Variants in NOS1AP observed in about 807,000 individuals in gnomAD.
The protein encoded by NOS1AP is carboxyl-terminal PDZ ligand of neuronal nitric oxide synthase protein.
In NOS1AP, 21 loss-of-function variants were observed where a neutral mutation model predicts 56.2. That is an observed-to-expected ratio of 0.37 (90% CI 0.26 to 0.54). NOS1AP has a LOEUF of 0.54. Ranked by LOEUF, NOS1AP falls within the 20% of genes least tolerant of loss-of-function variation. NOS1AP has a pLI of 0.84. For synonymous variants in NOS1AP, 270 were observed against 274.6 expected, an observed-to-expected ratio of 0.98 and a Z score of 0.17; for missense variants, 522 against 657.8, an observed-to-expected ratio of 0.79 and a Z score of 2.26.
At chr1:162,235,777 T>C (rs1653271756) in intron 2 of NOS1AP, among the ~76,000 whole-genome samples, 1 of 152,222 alleles carries the variant, frequency 6.6e-6, no homozygotes. Context: ...GGGCCAGTGT[T>C]CAAGGAGCAC....
chr1:162,175,968 T>A (rs1165384992), intron 2 of NOS1AP, among the ~76,000 whole-genome samples: 1 of 152,222 alleles, frequency 6.6e-6, no homozygotes, highest in Non-Finnish European at 1.5e-5. Flanking sequence ...GAAACAATTT[T>A]TCAGCTCTAG....
chr1:162,347,817 G>C (rs1479932209), intron 6 of NOS1AP, among the ~76,000 whole-genome samples: 1 of 152,110 alleles, frequency 6.6e-6, no homozygotes, highest in Non-Finnish European at 1.5e-5. Context: ...TGAACATATA[G>C]TAAGTATCAT....
chr1:162,120,697 T>A (rs1302895389), intron 1 of NOS1AP, among the ~76,000 whole-genome samples: 1 of 152,226 alleles, frequency 6.6e-6, no homozygotes, highest in Non-Finnish European at 1.5e-5. Context: ...GCCCCCCCCA[T>A]GATTCGATTA....
rs146251972 is a variant in NOS1AP at position 162,231,999 on chromosome 1, G to A, written c.178-55345G>A. On this transcript the variant is annotated intron_variant, in intron 2 of 9. Coordinates refer to ENST00000361897, the MANE Select transcript of NOS1AP (RefSeq NM_014697.3). Reference sequence around the variant, plus strand: ...CTACATTTATGTATTTTCAAAGTTGGTTTAATGAGCACACACAGTTTATCC... The same window carrying A: ...CTACATTTATGTATTTTCAAAGTTGATTTAATGAGCACACACAGTTTATCC... Among the ~76,000 whole-genome samples, 6 of 152,308 alleles carry A rather than the reference G, an allele frequency of 3.9e-5. No individual in the cohort carries two copies. In the East Asian group the frequency reaches 1.2e-3, roughly 29 times the overall value.
At chr1:162,321,731 A>ATATATATATATATATATATAT (rs1553205807) in intron 4 of NOS1AP, among the ~76,000 whole-genome samples, 1 of 128,494 alleles carries the variant, frequency 7.8e-6, no homozygotes, top group African/African-American at 2.9e-5. Flanking sequence ...AAAAAAAAAA[A>ATATATATATATATATATATAT]ATATATATAT....
chr1:162,356,053 C>G (rs1343565200), intron 7 of NOS1AP, among the ~76,000 whole-genome samples: 1 of 152,226 alleles, frequency 6.6e-6, no homozygotes, highest in Non-Finnish European at 1.5e-5. Flanking sequence ...CAGGGCACCT[C>G]TCTCTCTTTA....
chr1:162,367,441 G>T lies in NOS1AP; in HGVS notation c.1495G>T (p.Gly499Cys). The T allele has an allele frequency of 6.4e-7, 1 of 1,573,070 alleles. No homozygotes were observed. Among genetic ancestry groups the T allele is most frequent in the African/African-American group, 1.3e-5 (1 of 74,302 alleles). ...NVLQRQELGD[G>C]LDDEIAV The stretch of plus-strand genomic sequence containing the variant: ...CCTGCAGAGGCAGGAACTGGGCGAC[G>T]GCCTGGATGATGAGATCGCCGTGTA... Residue 499 changes from glycine to cysteine, a missense_variant, in exon 10 of 10, where the codon GGC becomes TGC. Physicochemically the swap from Gly to Cys is radical, Grantham distance 159 (BLOSUM62 -3). This residue lies in a region of NOS1AP where 160 missense variants were observed against 180.3 expected (regional missense o/e 0.89). Transcript: ENST00000361897. This position sits in a 1 kb window ranked among gnomAD's most constrained non-coding sequence, Gnocchi z 6.5.
At chr1:162,158,328 C>T (rs2102103351) in intron 2 of NOS1AP, among the ~76,000 whole-genome samples, 1 of 152,304 alleles carries the variant, frequency 6.6e-6, no homozygotes, top group South Asian at 2.1e-4. Flanking sequence ...GGATTTCCTT[C>T]CTTTTTAAGG....
At chr1:162,277,348 A>G (rs1333779331) in intron 2 of NOS1AP, among the ~76,000 whole-genome samples, 1 of 152,202 alleles carries the variant, frequency 6.6e-6, no homozygotes, top group East Asian at 1.9e-4. Context: ...TTCTGATTTT[A>G]TTATTTTCCT....
intron 2 of NOS1AP, among the ~76,000 whole-genome samples, chr1:162,193,605 A>G (rs1651711457): frequency 6.6e-6 from 1 of 152,278 alleles, no homozygotes; most frequent in South Asian, 2.1e-4. Flanking sequence ...ATCTTGCTGA[A>G]TAGCAGCCAA....
At chr1:162,275,856 G>C (rs139354277) in intron 2 of NOS1AP, among the ~76,000 whole-genome samples, 113 of 152,304 alleles carry the variant, frequency 7.4e-4, no homozygotes, top group African/African-American at 2.5e-3. Context: ...GTTGTGCTTG[G>C]TAATGCCACA....
Position 162,121,055 on chromosome 1 carries a change from T to C in NOS1AP, c.106-33350T>C, listed in dbSNP as rs181444348. 2.3e-3 allele frequency among the ~76,000 whole-genome samples: 356 copies of C among 151,824 alleles called. 3 individuals carry two copies. Among genetic ancestry groups the C allele is most frequent in the Admixed American group, 0.015 (223 of 15,256 alleles). On this transcript the variant is annotated intron_variant, in intron 1 of 9. Coordinates refer to ENST00000361897, the MANE Select transcript of NOS1AP (RefSeq NM_014697.3). ...TGTCGAGGCCTATAGAGAGATGCCT[T>C]TCTGCTAAAGAACTTGGCACACTAG...
At chr1:162,074,363 G>A (rs1691727020) in intron 1 of NOS1AP, among the ~76,000 whole-genome samples, 1 of 152,144 alleles carries the variant, frequency 6.6e-6, no homozygotes, top group South Asian at 2.1e-4. Flanking sequence ...AGTATTAATA[G>A]TTGCTCCCTT....
chr1:162,343,224 C>G (rs1311471853), intron 5 of NOS1AP, among the ~76,000 whole-genome samples: 1 of 152,080 alleles, frequency 6.6e-6, no homozygotes, highest in African/African-American at 2.4e-5. Context: ...AGATTAAATA[C>G]CAAAACAAAA....
intron 2 of NOS1AP, among the ~76,000 whole-genome samples, chr1:162,232,185 G>A (rs1339797615): frequency 6.6e-6 from 1 of 152,160 alleles, no homozygotes; most frequent in African/African-American, 2.4e-5. Context: ...GTGCAAACCT[G>A]GGTTTGTAAA....
At chr1:162,289,234 T>TTCCA (rs1655196290) in intron 3 of NOS1AP, among the ~76,000 whole-genome samples, 1 of 56,852 alleles carries the variant, frequency 1.8e-5, no homozygotes, top group African/African-American at 7.5e-5. Flanking sequence ...CCTTCCTTCC[T>TTCCA]TCCTTCCTTC....
At chr1:162,240,544 G>A (rs1653459026) in intron 2 of NOS1AP, among the ~76,000 whole-genome samples, 1 of 152,194 alleles carries the variant, frequency 6.6e-6, no homozygotes, top group Non-Finnish European at 1.5e-5. Context: ...ATGCTTTCTA[G>A]CGGGAGCCTG....
chr1:162,085,627 T>C (rs1481906410), intron 1 of NOS1AP, among the ~76,000 whole-genome samples: 2 of 152,194 alleles, frequency 1.3e-5, no homozygotes, highest in Admixed American at 6.5e-5. Flanking sequence ...TCCTGTTCCC[T>C]GAATTTGCAT....
chr1:162,241,355 G>A (rs576619028), intron 2 of NOS1AP, among the ~76,000 whole-genome samples: 2 of 152,336 alleles, frequency 1.3e-5, no homozygotes, highest in South Asian at 4.1e-4. Context: ...GAACAGCATG[G>A]AAGGGCAAGA....
Sources: gnomAD v4.1 joint callset for allele counts (sites outside exome capture counted in the v4.1 genomes callset) on GRCh38, gnomAD v4.1.1 for gene constraint, gnomAD v4.1.1 regional missense constraint, Gnocchi (gnomAD v3.1) non-coding constraint, MANE v1.5 for transcripts, NCBI Gene and HGNC (gene_info 2026-07-23, HGNC 2026-07-21) for gene names.